Variants in SDK2 observed in about 807,000 individuals in gnomAD.
SDK2 encodes protein sidekick-2.
In SDK2, 105 loss-of-function variants were observed where a neutral mutation model predicts 253.9. The ratio of observed to expected loss-of-function variants is 0.41; its 90% CI spans 0.35 to 0.49. The LOEUF (loss-of-function observed/expected upper bound fraction) is 0.49. Among genes scored for constraint, SDK2 ranks in the 20% least tolerant of loss-of-function variants. The probability of loss-of-function intolerance (pLI) is 0.06; values close to 1 mark genes in which losing one functional copy is unlikely to be tolerated. For synonymous variants in SDK2, 1,249 were observed against 1,234.9 expected, an observed-to-expected ratio of 1.01 and a Z score of -0.24; for missense variants, 2,608 against 3,003.0, an observed-to-expected ratio of 0.87 and a Z score of 3.07.
chr17:73,341,990 C>A (rs1238016568), intron 44 of SDK2, among the ~76,000 whole-genome samples: 2 of 152,056 alleles, frequency 1.3e-5, no homozygotes, highest in Non-Finnish European at 2.9e-5. Flanking sequence ...GGCTTGAACT[C>A]CAATCTGCCT....
At position 73,352,424 on chromosome 17, in the gene SDK2, C is replaced by G; in HGVS notation, c.5758+49G>C. ...TTCCGCCCTGCCCAGTGTCAGCCCC[C>G]AGGCTCTGCTGTGGGGCTCCCCCAC... On this transcript the variant is annotated intron_variant, in intron 41 of 44. Coordinates refer to ENST00000392650, the MANE Select transcript of SDK2 (RefSeq NM_001144952.2). The surrounding 1 kb of genome is among the most constrained non-coding windows in gnomAD (Gnocchi z 4.1). 6.4e-7 allele frequency: 1 copy of G among 1,573,416 alleles called. No homozygotes were observed.
At chr17:73,640,183 G>A (rs1202474899) in intron 1 of SDK2, among the ~76,000 whole-genome samples, 2 of 151,866 alleles carry the variant, frequency 1.3e-5, no homozygotes, top group South Asian at 2.1e-4. Context: ...CCCCTATGCC[G>A]GCCTTCCAGT....
At chr17:73,627,649 C>T (rs770061667) in intron 1 of SDK2, among the ~76,000 whole-genome samples, 2 of 152,238 alleles carry the variant, frequency 1.3e-5, no homozygotes, top group Non-Finnish European at 2.9e-5. Flanking sequence ...AACAGAGCCC[C>T]TCGGGCTCAC....
At chr17:73,459,123 C>T (rs1004915252) in intron 3 of SDK2, among the ~76,000 whole-genome samples, 3 of 152,176 alleles carry the variant, frequency 2.0e-5, no homozygotes, top group African/African-American at 7.2e-5. Flanking sequence ...TTCCCTGCCC[C>T]CACCAAGCCT....
At chr17:73,454,094 G>A (rs35092260) in intron 4 of SDK2, among the ~76,000 whole-genome samples, 26,268 of 152,182 alleles carry the variant, frequency 0.17, 2,317 homozygotes, top group African/African-American at 0.2. Flanking sequence ...TAGCCTAGGA[G>A]CAATGGACTA....
chr17:73,383,691 T>A lies in SDK2; in HGVS notation c.4705+185A>T, dbSNP rs1038687422. Among the ~76,000 whole-genome samples the A allele has an allele frequency of 2.6e-5, 4 of 152,146 alleles. No homozygotes were observed. Among genetic ancestry groups the A allele is most frequent in the African/African-American group, 9.7e-5 (4 of 41,412 alleles). ...GTGCCCCACAGTGACTCGGGGCCCATAGAAGGTGCTCAGTAAATATTCAGT... is the reference window on the plus strand; with the variant it reads ...GTGCCCCACAGTGACTCGGGGCCCAAAGAAGGTGCTCAGTAAATATTCAGT... On this transcript the variant is annotated intron_variant, in intron 33 of 44. Coordinates refer to ENST00000392650, the MANE Select transcript of SDK2 (RefSeq NM_001144952.2). This position sits in a 1 kb window ranked among gnomAD's most constrained non-coding sequence, Gnocchi z 4.3.
At chr17:73,536,384 C>T (rs1309775369) in intron 1 of SDK2, among the ~76,000 whole-genome samples, 2 of 152,332 alleles carry the variant, frequency 1.3e-5, no homozygotes, top group African/African-American at 4.8e-5. Flanking sequence ...CTACGACTTA[C>T]TTCCTTGTTG....
chr17:73,518,571 T>C (rs1214757463), intron 1 of SDK2: 1 of 152,152 alleles, frequency 6.6e-6, no homozygotes, highest in Non-Finnish European at 1.5e-5. Flanking sequence ...AAAAGACGGT[T>C]CTCATTTCCA....
intron 1 of SDK2, among the ~76,000 whole-genome samples, chr17:73,535,156 T>C (rs1288342908): frequency 6.6e-6 from 1 of 152,220 alleles, no homozygotes; most frequent in Non-Finnish European, 1.5e-5. Flanking sequence ...CTCATCCATG[T>C]GTGAGGACAG....
chr17:73,391,844 G>A (rs1340899121), intron 27 of SDK2, among the ~76,000 whole-genome samples: 2 of 152,256 alleles, frequency 1.3e-5, no homozygotes, highest in Non-Finnish European at 2.9e-5. Context: ...GGGCGCGTGG[G>A]CCCTGGATGG....
chr17:73,556,457 C>T (rs2045145542), intron 1 of SDK2, among the ~76,000 whole-genome samples: 1 of 152,212 alleles, frequency 6.6e-6, no homozygotes, highest in African/African-American at 2.4e-5. Flanking sequence ...TATGTCTGGG[C>T]AGCCCATCTG....
intron 13 of SDK2, 87 bp from the exon 14 acceptor site, chr17:73,423,609 G>C (rs2063252714): frequency 1.5e-6 from 2 of 1,379,184 alleles, no homozygotes; most frequent in East Asian, 2.5e-5. Context: ...TGTAGGCCTT[G>C]ACCTTCCATG....
chr17:73,594,611 A>AC (rs1429653319), intron 1 of SDK2, among the ~76,000 whole-genome samples: 41 of 146,962 alleles, frequency 2.8e-4, no homozygotes, highest in Middle Eastern at 3.5e-3. Flanking sequence ...CACACACACA[A>AC]CACATACAAA....
chr17:73,415,222 C>G (rs1023863573), intron 17 of SDK2, among the ~76,000 whole-genome samples: 1 of 152,154 alleles, frequency 6.6e-6, no homozygotes, highest in African/African-American at 2.4e-5. Context: ...TAGTAGGGGC[C>G]TGGTGAGAAC....
intron 1 of SDK2, among the ~76,000 whole-genome samples, chr17:73,583,266 T>C (rs1412873144): frequency 1.3e-5 from 2 of 152,218 alleles, no homozygotes; most frequent in Non-Finnish European, 2.9e-5. Context: ...CCCACTGCTA[T>C]CTTCTTAGCA....
Position 73,455,815 on chromosome 17 carries a change from T to C in SDK2, c.479+91A>G, listed in dbSNP as rs887555738. On this transcript the variant is annotated intron_variant, in intron 4 of 44. Coordinates refer to ENST00000392650, the MANE Select transcript of SDK2 (RefSeq NM_001144952.2). The surrounding 1 kb of genome is among the most constrained non-coding windows in gnomAD (Gnocchi z 5.0). The stretch of plus-strand genomic sequence containing the variant: ...GAAAGGGGCTTCTGCACAAAGGCCC[T>C]CCTCCACACTCAAGGGAGACTTTAT... 1 of 1,378,916 alleles carries C rather than the reference T, an allele frequency of 7.3e-7. No individual in the cohort carries two copies. The highest frequency in any genetic ancestry group is 1.5e-5 in the African/African-American group (1 of 68,370). 85.4% of individuals were successfully genotyped at this position (1,378,916 alleles called of 1,614,324 possible). A position where few individuals can be genotyped will look rare whatever the true frequency, so the allele number is the denominator to read the frequency against.
At chr17:73,419,861 G>T (rs1006788630) in intron 15 of SDK2, among the ~76,000 whole-genome samples, 1 of 150,164 alleles carries the variant, frequency 6.7e-6, no homozygotes, top group African/African-American at 2.5e-5. Context: ...TACAGCCTGG[G>T]AAACAGAGAC....
intron 36 of SDK2, among the ~76,000 whole-genome samples, chr17:73,372,602 A>G (rs75413094): frequency 1.3e-5 from 2 of 152,040 alleles, no homozygotes; most frequent in Non-Finnish European, 2.9e-5. Flanking sequence ...ATAGCCGGGC[A>G]TGGTGGTGGG....
At chr17:73,409,100 T>C (rs1448120080) in intron 18 of SDK2, among the ~76,000 whole-genome samples, 1 of 151,868 alleles carries the variant, frequency 6.6e-6, no homozygotes, top group African/African-American at 2.4e-5. Context: ...TGGCTGGGAG[T>C]TGGGCATTGT....
Sources: gnomAD v4.1 joint callset for allele counts (sites outside exome capture counted in the v4.1 genomes callset) on GRCh38, gnomAD v4.1.1 for gene constraint, Gnocchi (gnomAD v3.1) non-coding constraint, MANE v1.5 for transcripts, NCBI Gene and HGNC (gene_info 2026-07-23, HGNC 2026-07-21) for gene names.